NTM: variants seen among roughly 807,000 people sequenced by gnomAD.
NTM encodes the protein neurotrimin, also known as IgLON family member 2.
Under a neutral mutation model 42.1 loss-of-function variants are expected in NTM, and 13 were observed. That is an observed-to-expected ratio of 0.31 (90% CI 0.20 to 0.49). NTM has a LOEUF of 0.49. Ranked by LOEUF, NTM falls within the 20% of genes least tolerant of loss-of-function variation. The pLI, the probability that NTM is intolerant of heterozygous loss-of-function variation, is 0.99. For synonymous variants in NTM, 187 were observed against 179.2 expected, an observed-to-expected ratio of 1.04 and a Z score of -0.35; for missense variants, 373 against 452.8, an observed-to-expected ratio of 0.82 and a Z score of 1.60.
intron 1 of NTM, among the ~76,000 whole-genome samples, chr11:131,547,427 C>G (rs1174401784): frequency 2.0e-5 from 3 of 152,186 alleles, no homozygotes; most frequent in African/African-American, 7.2e-5. Context: ...CAACGTCTTG[C>G]ACGGGAAGAG....
intron 2 of NTM, among the ~76,000 whole-genome samples, chr11:131,996,275 C>A (rs995431162): frequency 6.6e-6 from 1 of 152,058 alleles, no homozygotes; most frequent in Non-Finnish European, 1.5e-5. Flanking sequence ...AAAGCAGTCA[C>A]CCTGCTGTTC....
intron 2 of NTM, among the ~76,000 whole-genome samples, chr11:132,027,612 A>C (rs1053072228): frequency 6.6e-6 from 1 of 152,158 alleles, no homozygotes; most frequent in Non-Finnish European, 1.5e-5. Context: ...AGTCCAATGT[A>C]ATTCTTATCC....
intron 1 of NTM, among the ~76,000 whole-genome samples, chr11:131,629,487 A>G (rs931859): frequency 0.85 from 129,338 of 152,154 alleles, 55,065 homozygotes; most frequent in African/African-American, 0.87. Flanking sequence ...TATATGGTGA[A>G]GAAATGTACA....
intron 1 of NTM, among the ~76,000 whole-genome samples, chr11:131,866,879 A>T (rs950208457): frequency 6.6e-6 from 1 of 152,208 alleles, no homozygotes; most frequent in Non-Finnish European, 1.5e-5. Context: ...AGACAAACTG[A>T]TATCTTCAGG....
chr11:131,826,935 G>A (rs1399645997), intron 1 of NTM, among the ~76,000 whole-genome samples: 1 of 152,128 alleles, frequency 6.6e-6, no homozygotes, highest in Non-Finnish European at 1.5e-5. Flanking sequence ...TAGCTGGAGT[G>A]CAGAAGAAAG....
chr11:131,806,716 A>G (rs554361075), intron 1 of NTM, among the ~76,000 whole-genome samples: 23 of 151,966 alleles, frequency 1.5e-4, no homozygotes, highest in African/African-American at 5.3e-4. Context: ...CACACATCTC[A>G]CCGTATCGGT....
At chr11:131,665,913 G>C (rs763107924) in intron 1 of NTM, among the ~76,000 whole-genome samples, 1 of 152,168 alleles carries the variant, frequency 6.6e-6, no homozygotes, top group Non-Finnish European at 1.5e-5. Context: ...TTGCTGTTTT[G>C]AAAATTAACT....
At chr11:131,401,834 ATATAT>A (rs1411155621) in intron 1 of NTM, among the ~76,000 whole-genome samples, 1 of 86,274 alleles carries the variant, frequency 1.2e-5, no homozygotes, top group African/African-American at 4.2e-5. Context: ...ATATATATAT[ATATAT>A]ATATATATAT....
At chr11:131,543,803 C>A (rs2053587387) in intron 1 of NTM, among the ~76,000 whole-genome samples, 1 of 152,240 alleles carries the variant, frequency 6.6e-6, no homozygotes, top group Admixed American at 6.5e-5. Flanking sequence ...AGTCTAGCCG[C>A]TTATGCAGGA....
chr11:132,054,493 A>G (rs2079315352), intron 2 of NTM, among the ~76,000 whole-genome samples: 1 of 152,220 alleles, frequency 6.6e-6, no homozygotes, highest in Admixed American at 6.5e-5. Flanking sequence ...AATACACTTT[A>G]ATGTGAAATC....
chr11:131,631,619 A>G (rs1475712097), intron 1 of NTM, among the ~76,000 whole-genome samples: 1 of 152,168 alleles, frequency 6.6e-6, no homozygotes, highest in Non-Finnish European at 1.5e-5. Context: ...TTATGTCATT[A>G]TTTTTCCATT....
At chr11:131,671,700 C>G (rs2070277684) in intron 1 of NTM, 1 of 711,198 alleles carries the variant, frequency 1.4e-6, no homozygotes, top group Admixed American at 6.3e-5. Context: ...TCACAGGCCA[C>G]TGGAGAGTGA....
intron 1 of NTM, among the ~76,000 whole-genome samples, chr11:131,435,118 C>A (rs913009602): frequency 6.6e-6 from 1 of 152,144 alleles, no homozygotes; most frequent in African/African-American, 2.4e-5. Context: ...GGTGTTATTT[C>A]TGAGGCCTCT....
chr11:131,433,968 C>T (rs1403059074), intron 1 of NTM, among the ~76,000 whole-genome samples: 2 of 152,154 alleles, frequency 1.3e-5, no homozygotes, highest in East Asian at 3.9e-4. Flanking sequence ...CCACAATAGG[C>T]ACCGGGGTGG....
chr11:131,622,544 T>C (rs553251135), intron 1 of NTM, among the ~76,000 whole-genome samples: 1 of 152,334 alleles, frequency 6.6e-6, no homozygotes, highest in South Asian at 2.1e-4. Flanking sequence ...ATTGACCAGA[T>C]TATTAAATTA....
At chr11:131,410,753 A>G (rs1165522095) in intron 1 of NTM, among the ~76,000 whole-genome samples, 1 of 152,108 alleles carries the variant, frequency 6.6e-6, no homozygotes, top group Non-Finnish European at 1.5e-5. Context: ...CTAAAAATAT[A>G]CTATTACCCT....
intron 1 of NTM, among the ~76,000 whole-genome samples, chr11:131,595,759 G>A (rs1415140922): frequency 2.0e-5 from 3 of 152,232 alleles, no homozygotes; most frequent in African/African-American, 7.2e-5. Flanking sequence ...GAGGACTTTG[G>A]AAAATTAGAG....
intron 3 of NTM, among the ~76,000 whole-genome samples, chr11:132,205,570 C>A (rs1273252094): frequency 6.6e-6 from 1 of 152,108 alleles, no homozygotes; most frequent in African/African-American, 2.4e-5. Flanking sequence ...TGTCTTTCTT[C>A]CTAAACATAC....
chr11:131,509,288 G>A (rs1442115902), intron 1 of NTM, among the ~76,000 whole-genome samples: 1 of 152,046 alleles, frequency 6.6e-6, no homozygotes. Flanking sequence ...ACTTGGTTTT[G>A]GTGCCACTCT....
Sources: allele counts gnomAD v4.1 joint callset (sites outside exome capture counted in the v4.1 genomes callset), GRCh38; gene constraint gnomAD v4.1.1; transcripts MANE v1.5; gene names NCBI Gene and HGNC (gene_info 2026-07-23, HGNC 2026-07-21).